Variants in SNX29 observed in about 807,000 individuals in gnomAD.
SNX29 encodes sorting nexin 29, also known as sorting nexin-29.
Under a neutral mutation model 102.1 loss-of-function variants are expected in SNX29, and 78 were observed. That is an observed-to-expected ratio of 0.76 (90% CI 0.64 to 0.92). The LOEUF (loss-of-function observed/expected upper bound fraction) is 0.92, where lower values mean the gene tolerates loss of function less well. Among genes scored for constraint, SNX29 ranks in the 40% least tolerant of loss-of-function variants. The probability of loss-of-function intolerance (pLI) is 0.00; values close to 1 mark genes in which losing one functional copy is unlikely to be tolerated. For missense variants in SNX29, 1,280 were observed against 1,061.7 expected, an observed-to-expected ratio of 1.21 and a Z score of -2.86; for synonymous variants, 580 against 414.5, an observed-to-expected ratio of 1.40 and a Z score of -4.85.
At position 12,159,405 on chromosome 16, in the gene SNX29, C is replaced by T. The variant is rs372935764; in HGVS notation, c.1595+29647C>T. 5.3e-5 allele frequency among the ~76,000 whole-genome samples: 8 copies of T among 152,344 alleles called. 1 individual carries two copies. The South Asian group carries it at 8.3e-4, about 16-fold the overall frequency. On this transcript the variant is annotated intron_variant, in intron 13 of 20. Transcript: ENST00000566228. ...GATGCAAGATGATTTTGAGAACTCT[C>T]GCTGTTCTGTTTCTAGGCTTCAACT...
At chr16:12,021,482 T>G (rs936938542) in intron 3 of SNX29, among the ~76,000 whole-genome samples, 2 of 152,106 alleles carry the variant, frequency 1.3e-5, no homozygotes, top group Non-Finnish European at 2.9e-5. Flanking sequence ...TTGATGCAGT[T>G]TATAAAAATG....
chr16:12,571,560 G>C lies in SNX29; in HGVS notation c.*2931G>C, dbSNP rs147496154. Reference sequence around the variant, plus strand: ...TTTGCTGGGAGGAAGAATCCACACCGAATCCTTCTGTCTTCATGGCCTGCT... The same window carrying C: ...TTTGCTGGGAGGAAGAATCCACACCCAATCCTTCTGTCTTCATGGCCTGCT... On this transcript the variant is annotated 3_prime_UTR_variant, in exon 21 of 21. Coordinates refer to ENST00000566228, the MANE Select transcript of SNX29 (RefSeq NM_032167.5). The C allele has an allele frequency of 3.6e-5, 36 of 1,012,664 alleles. No individual in the cohort carries two copies. The highest frequency in any genetic ancestry group is 2.7e-4 in the African/African-American group (16 of 59,896). 62.7% of individuals were successfully genotyped at this position (1,012,664 alleles called of 1,614,324 possible).
intron 11 of SNX29, among the ~76,000 whole-genome samples, chr16:12,117,662 G>C (rs2053790204): frequency 1.3e-5 from 2 of 152,210 alleles, no homozygotes; most frequent in African/African-American, 4.8e-5. Flanking sequence ...TTTTGCTTTG[G>C]CGTGGTAGAA....
chr16:12,505,208 G>A (rs1192951976), intron 19 of SNX29, among the ~76,000 whole-genome samples: 1 of 152,226 alleles, frequency 6.6e-6, no homozygotes, highest in South Asian at 2.1e-4. Context: ...GAGTGGAACT[G>A]CCAGGTCATG....
intron 19 of SNX29, among the ~76,000 whole-genome samples, chr16:12,486,011 G>A (rs1237683758): frequency 6.6e-6 from 1 of 152,200 alleles, no homozygotes; most frequent in Non-Finnish European, 1.5e-5. Flanking sequence ...GTACAGTTCA[G>A]GAGGCCAGAC....
At chr16:12,317,665 C>T (rs2080794309) in intron 15 of SNX29, among the ~76,000 whole-genome samples, 1 of 152,250 alleles carries the variant, frequency 6.6e-6, no homozygotes, top group Admixed American at 6.5e-5. Flanking sequence ...ATCAGCTTCA[C>T]AGGGACTAAG....
chr16:12,336,105 T>A (rs1428225130), intron 15 of SNX29, among the ~76,000 whole-genome samples: 1 of 152,170 alleles, frequency 6.6e-6, no homozygotes. Flanking sequence ...TAGAGAAATA[T>A]AATATTTACA....
intron 4 of SNX29, among the ~76,000 whole-genome samples, chr16:12,036,229 C>T (rs1447483194): frequency 2.6e-5 from 4 of 152,112 alleles, no homozygotes; most frequent in African/African-American, 9.7e-5. Context: ...TGTGTGCCGC[C>T]ACACTCGGCT....
At position 12,048,565 on chromosome 16, in the gene SNX29, C is replaced by G. The variant is rs2050180560; in HGVS notation, c.693C>G (p.Ile231Met). 6.2e-7 allele frequency: 1 copy of G among 1,613,858 alleles called. No individual in the cohort carries two copies. The highest frequency in any genetic ancestry group is 1.7e-5 in the Admixed American group (1 of 59,996). ...ITASSAVSILIKPEQETDPLP... is the reference protein window; with the variant it reads ...ITASSAVSILMKPEQETDPLP... ...CCTCCTCTGCCGTCTCCATCCTCATCAAACCTGAACAGGAGACCGACCCCT... is the reference window on the plus strand; with the variant it reads ...CCTCCTCTGCCGTCTCCATCCTCATGAAACCTGAACAGGAGACCGACCCCT... The change falls in exon 7 of 21, where the codon ATC (isoleucine) becomes ATG (methionine). Residue 231 changes from isoleucine (I) to methionine (M), a missense_variant. Ile to Met is a conservative substitution (Grantham distance 10). Transcript: ENST00000566228.
chr16:12,473,977 C>G (rs2087476168), intron 18 of SNX29, among the ~76,000 whole-genome samples: 1 of 152,206 alleles, frequency 6.6e-6, no homozygotes, highest in African/African-American at 2.4e-5. Context: ...CCTTTACTTT[C>G]CTAATCAACT....
chr16:12,337,149 A>G (rs1196420824), intron 15 of SNX29, among the ~76,000 whole-genome samples: 1 of 152,136 alleles, frequency 6.6e-6, no homozygotes, highest in East Asian at 1.9e-4. Flanking sequence ...TCTGAAGGCC[A>G]CCCAGCTGGC....
chr16:12,300,070 C>A (rs2080115902), intron 15 of SNX29, among the ~76,000 whole-genome samples: 1 of 152,146 alleles, frequency 6.6e-6, no homozygotes, highest in African/African-American at 2.4e-5. Context: ...CAGGGCTGCG[C>A]CATGTTGGCC....
At chr16:12,123,106 A>C (rs1006792751) in intron 11 of SNX29, among the ~76,000 whole-genome samples, 1 of 152,200 alleles carries the variant, frequency 6.6e-6, no homozygotes, top group African/African-American at 2.4e-5. Context: ...GATTACAGGC[A>C]TGAGCCACCG....
intron 20 of SNX29, among the ~76,000 whole-genome samples, chr16:12,545,112 C>T (rs62026957): frequency 0.12 from 17,711 of 152,180 alleles, 1,335 homozygotes; most frequent in Non-Finnish European, 0.16. Context: ...CAGTAGCCAG[C>T]TCTGTGAGGC....
chr16:12,166,123 T>C (rs373408446), intron 13 of SNX29, among the ~76,000 whole-genome samples: 4 of 152,192 alleles, frequency 2.6e-5, no homozygotes, highest in Admixed American at 2.6e-4. Flanking sequence ...GTAGCAGCAG[T>C]CTTGGTTAAA....
At chr16:12,426,115 T>C (rs114212617) in intron 18 of SNX29, among the ~76,000 whole-genome samples, 1,688 of 152,276 alleles carry the variant, frequency 0.011, 36 homozygotes, top group African/African-American at 0.038. Flanking sequence ...ACAGTACTGT[T>C]TTAATACTTT....
chr16:12,403,644 C>T (rs983565103), intron 18 of SNX29, 115 bp downstream of exon 18: 1 of 974,674 alleles, frequency 1.0e-6, no homozygotes. Flanking sequence ...AGGCTATGGC[C>T]TTCCAGACAC....
In SNX29 at chr16:12,570,498, T is replaced by G. The variant is rs1050158166; in HGVS notation, c.*1869T>G. On this transcript the variant is annotated 3_prime_UTR_variant, in exon 21 of 21. Transcript: ENST00000566228. ...CAATCTGCTGTATGTCATGACCCCT[T>G]AGGTTGGGTTTATGCCACATCGGTC... 1.7e-5 allele frequency: 4 copies of G among 232,380 alleles called. No homozygotes were observed. The highest frequency in any genetic ancestry group is 1.1e-4 in the Admixed American group (2 of 17,732). 14.4% of individuals were successfully genotyped at this position (232,380 alleles called of 1,614,324 possible). A position where few individuals can be genotyped will look rare whatever the true frequency, so the allele number is the denominator to read the frequency against.
At chr16:12,243,833 T>G (rs1356216819) in intron 14 of SNX29, among the ~76,000 whole-genome samples, 2 of 152,312 alleles carry the variant, frequency 1.3e-5, no homozygotes, top group Admixed American at 1.3e-4. Context: ...CAGAGACTCA[T>G]GCGGATTAAG....
Sources: gnomAD v4.1 joint callset for allele counts (sites outside exome capture counted in the v4.1 genomes callset) on GRCh38, gnomAD v4.1.1 for gene constraint, MANE v1.5 for transcripts, NCBI Gene and HGNC (gene_info 2026-07-23, HGNC 2026-07-21) for gene names.